The following ARL6 variants were observed in gnomAD, a reference collection of about 807,000 sequenced individuals.
The protein encoded by ARL6 is ARF like GTPase 6.
ARL6 carries 18 observed loss-of-function variants against 27.1 expected under a neutral mutation model. That is an observed-to-expected ratio of 0.66 (90% CI 0.46 to 0.98). The LOEUF (loss-of-function observed/expected upper bound fraction) is 0.98. ARL6 is among the 50% of genes least tolerant of loss of function. The pLI is 0.00. For synonymous variants in ARL6, 65 were observed against 72.3 expected (o/e 0.90, Z 0.51); for missense variants, 187 against 214.9 (o/e 0.87, Z 0.81).
At chr3:97,797,338 A>G (rs2033457926) in intron 7 of ARL6, among the ~76,000 whole-genome samples, 2 of 152,166 alleles carry the variant, frequency 1.3e-5, no homozygotes, top group Admixed American at 1.3e-4. Flanking sequence ...GGAGTGGGAA[A>G]GACAATTATT....
rs79969598 is a variant in ARL6 at position 97,786,016 on chromosome 3, C to T, written c.349+967C>T. The stretch of plus-strand genomic sequence containing the variant: ...CTGAAATTTTTGAAAAAAAATTATC[C>T]GCCCTGTACATTTTATTTGACTTTT... On this transcript the variant is annotated intron_variant, in intron 5 of 7. Coordinates refer to ENST00000463745, the MANE Select transcript of ARL6 (RefSeq NM_001278293.3). Among the ~76,000 whole-genome samples the T allele has an allele frequency of 6.4e-3, 980 of 152,086 alleles. 8 individuals are homozygous for T. Among genetic ancestry groups the T allele is most frequent in the African/African-American group, 0.022 (894 of 41,476 alleles).
rs1297055953 is a variant in ARL6 at position 97,801,138 on chromosome 3, G to A, written c.*3089G>A. On this transcript the variant is annotated 3_prime_UTR_variant, in exon 8 of 8. Coordinates refer to ENST00000463745, the MANE Select transcript of ARL6 (RefSeq NM_001278293.3). ...AGTTTGTACCTATTTTCTGCTTTCT[G>A]ATTATTTCCTTTGTTCATGAAAATA... 6.6e-6 allele frequency: 1 copy of A among 152,084 alleles called. No homozygotes were observed. The highest frequency in any genetic ancestry group is 2.4e-5 in the African/African-American group (1 of 41,416). The allele number at this position is 152,084 out of a possible 1,614,324, so 9.4% of individuals were successfully genotyped here.
intron 7 of ARL6, among the ~76,000 whole-genome samples, chr3:97,795,333 A>G (rs948324993): frequency 6.6e-6 from 1 of 152,176 alleles, no homozygotes; most frequent in Non-Finnish European, 1.5e-5. Flanking sequence ...ATCTTCCCAA[A>G]TAACTAATAA....
intron 4 of ARL6, among the ~76,000 whole-genome samples, chr3:97,783,437 C>G (rs1354598305): frequency 6.6e-6 from 1 of 151,822 alleles, no homozygotes; most frequent in Non-Finnish European, 1.5e-5. Context: ...TTAACCATTT[C>G]TCTACTCTAG....
intron 1 of ARL6, among the ~76,000 whole-genome samples, chr3:97,765,211 GGTGT>G (rs71113866): frequency 0.12 from 12,365 of 105,438 alleles, 691 homozygotes; most frequent in African/African-American, 0.19. Context: ...GTGTATTGGG[GGTGT>G]GTGTGTGTGT....
intron 7 of ARL6, among the ~76,000 whole-genome samples, chr3:97,794,948 C>T (rs1055728690): frequency 1.3e-5 from 2 of 151,904 alleles, no homozygotes; most frequent in Admixed American, 6.6e-5. Flanking sequence ...ATTAGCCAGG[C>T]GTGGTGGTGC....
chr3:97,798,307 A>G lies in ARL6; in HGVS notation c.*258A>G, dbSNP rs2038098343. 1 of 380,556 alleles carries G rather than the reference A, an allele frequency of 2.6e-6. No individual in the cohort carries two copies. The highest frequency in any genetic ancestry group is 2.0e-5 in the African/African-American group (1 of 49,266). The allele number at this position is 380,556 out of a possible 1,614,324, so 23.6% of individuals were successfully genotyped here. A position where few individuals can be genotyped will look rare whatever the true frequency, so the allele number is the denominator to read the frequency against. ...TGAAGGTCTACATTTGATTGTACGT[A>G]GAATGTTTAAAAGTCAGTTATAAGC... is the stretch of plus-strand genomic sequence containing the variant. On this transcript the variant is annotated 3_prime_UTR_variant, in exon 8 of 8. Coordinates refer to ENST00000463745, the MANE Select transcript of ARL6 (RefSeq NM_001278293.3).
In ARL6 at chr3:97,800,515, C is replaced by A. The variant is rs1270134522; in HGVS notation, c.*2466C>A. The A allele has an allele frequency of 1.3e-5, 2 of 152,094 alleles. No homozygotes were observed. Among genetic ancestry groups the A allele is most frequent in the African/African-American group, 4.8e-5 (2 of 41,424 alleles). 9.4% of individuals were successfully genotyped at this position (152,094 alleles called of 1,614,324 possible). On this transcript the variant is annotated 3_prime_UTR_variant, in exon 8 of 8. Transcript: ENST00000463745. ...TTAAATATTTGTATATGGCCCTATT[C>A]AGCCTGTGCTTTATAAATCACAAAA...
chr3:97,782,752 T>C lies in ARL6; in HGVS notation c.254+2069T>C, dbSNP rs955089356. Among the ~76,000 whole-genome samples the C allele has an allele frequency of 2.4e-4, 37 of 151,710 alleles. 1 individual carries two copies. The highest frequency in any genetic ancestry group is 8.9e-4 in the African/African-American group (37 of 41,522). ...GAAGGTTGTATGTTAGCATTATTTATAACATTTTTATATCAATTATGTAAA... is the reference window on the plus strand; with the variant it reads ...GAAGGTTGTATGTTAGCATTATTTACAACATTTTTATATCAATTATGTAAA... On this transcript the variant is annotated intron_variant, in intron 4 of 7. Coordinates refer to ENST00000463745, the MANE Select transcript of ARL6 (RefSeq NM_001278293.3).
chr3:97,775,060 A>G (rs1329901203), intron 2 of ARL6, among the ~76,000 whole-genome samples: 2 of 152,176 alleles, frequency 1.3e-5, no homozygotes, highest in Admixed American at 6.5e-5. Flanking sequence ...AAGGACTATC[A>G]GTGTTCTCCA....
At chr3:97,792,520 T>C (rs936033567) in intron 7 of ARL6, among the ~76,000 whole-genome samples, 2 of 152,168 alleles carry the variant, frequency 1.3e-5, no homozygotes, top group African/African-American at 4.8e-5. Context: ...ACTACAGATA[T>C]AGCTCCATTT....
chr3:97,786,185 T>C (rs530566141), intron 5 of ARL6, among the ~76,000 whole-genome samples: 1 of 152,162 alleles, frequency 6.6e-6, no homozygotes, highest in Non-Finnish European at 1.5e-5. Context: ...ACCCCATCTC[T>C]ACTAAAAATA....
intron 7 of ARL6, among the ~76,000 whole-genome samples, chr3:97,793,138 A>C (rs1216405505): frequency 2.0e-5 from 3 of 152,212 alleles, no homozygotes; most frequent in African/African-American, 4.8e-5. Flanking sequence ...ATGGTGGTTT[A>C]GTTAACTGGA....
intron 3 of ARL6, 36 bp from the exon 4 acceptor site, chr3:97,780,574 CTTTAG>C: frequency 6.7e-7 from 1 of 1,498,704 alleles, no homozygotes; most frequent in Non-Finnish European, 9.3e-7. Context: ...AAAAGTTATG[CTTTAG>C]TTTATAATGT....
chr3:97,782,146 C>T lies in ARL6; in HGVS notation c.254+1463C>T, dbSNP rs535226469. 3.9e-5 allele frequency among the ~76,000 whole-genome samples: 6 copies of T among 152,048 alleles called. No homozygotes were observed. The East Asian group carries it at 1.2e-3, about 29-fold the overall frequency. The stretch of plus-strand genomic sequence containing the variant: ...CTGCATTAAATTCCTTGGGGAGATG[C>T]ATTTTATGTGTTTCTTATTTGTTTG... On this transcript the variant is annotated intron_variant, in intron 4 of 7. Coordinates refer to ENST00000463745, the MANE Select transcript of ARL6 (RefSeq NM_001278293.3).
intron 6 of ARL6, among the ~76,000 whole-genome samples, chr3:97,790,244 A>C (rs1576469979): frequency 6.6e-6 from 1 of 152,280 alleles, no homozygotes; most frequent in Middle Eastern, 3.4e-3. Context: ...CTGAGACCTA[A>C]TTGAAGTTAG....
intron 4 of ARL6, among the ~76,000 whole-genome samples, chr3:97,781,845 T>G (rs907243093): frequency 6.6e-6 from 1 of 152,130 alleles, no homozygotes; most frequent in African/African-American, 2.4e-5. Flanking sequence ...TTTGTCATTA[T>G]GAACTGCTGC....
chr3:97,766,927 A>G (rs2036407381), intron 1 of ARL6, among the ~76,000 whole-genome samples: 1 of 152,096 alleles, frequency 6.6e-6, no homozygotes, highest in Non-Finnish European at 1.5e-5. Context: ...TTCTACCACA[A>G]AGTAATGGTT....
chr3:97,782,773 G>T (rs980374610), intron 4 of ARL6, among the ~76,000 whole-genome samples: 4 of 150,688 alleles, frequency 2.7e-5, no homozygotes, highest in Non-Finnish European at 5.9e-5. Flanking sequence ...TATCAATTAT[G>T]TAAAAATGTT....
Sources: allele counts gnomAD v4.1 joint callset (sites outside exome capture counted in the v4.1 genomes callset), GRCh38; gene constraint gnomAD v4.1.1; transcripts MANE v1.5; gene names NCBI Gene and HGNC (gene_info 2026-07-23, HGNC 2026-07-21).